RNF185: variants seen among roughly 807,000 people sequenced by gnomAD.
RNF185 encodes the protein E3 ubiquitin-protein ligase RNF185.
Under a neutral mutation model 24.9 loss-of-function variants are expected in RNF185, and 13 were observed. The observed-to-expected ratio is 0.52, with a 90% confidence interval of 0.34 to 0.83. RNF185 has a LOEUF of 0.83. Ranked by LOEUF, RNF185 falls within the 40% of genes least tolerant of loss-of-function variation. The pLI is 0.01. For missense variants in RNF185, 184 were observed against 244.7 expected (o/e 0.75, Z 1.65); for synonymous variants, 79 against 90.3 (o/e 0.88, Z 0.71).
chr22:31,200,962 G>C (rs1225604151), intron 5 of RNF185, among the ~76,000 whole-genome samples: 2 of 152,232 alleles, frequency 1.3e-5, no homozygotes, highest in Non-Finnish European at 2.9e-5. Context: ...GGTCACAAGA[G>C]TTGTTCAGTG....
At chr22:31,180,454 G>A (rs1284235781) in intron 1 of RNF185, among the ~76,000 whole-genome samples, 1 of 151,120 alleles carries the variant, frequency 6.6e-6, no homozygotes, top group African/African-American at 2.4e-5. Context: ...GACAGACTGA[G>A]ACTTGTCTCA....
In RNF185 at chr22:31,167,149, C is replaced by A. The variant is rs181996054; in HGVS notation, c.-49+6846C>A. Among the ~76,000 whole-genome samples, 176 of 152,088 alleles carry A rather than the reference C, an allele frequency of 1.2e-3. 1 individual carries two copies. In the Middle Eastern group the frequency reaches 0.017, roughly 15 times the overall value. On this transcript the variant is annotated intron_variant, in intron 1 of 6. Transcript: ENST00000326132. ...TTTTATTGTGGTAAGATGTACATAACAATATTTACTGTTTTAACTAATTTT... is the reference window on the plus strand; with the variant it reads ...TTTTATTGTGGTAAGATGTACATAAAAATATTTACTGTTTTAACTAATTTT...
Position 31,196,947 on chromosome 22 carries a change from C to G in RNF185, c.320C>G (p.Pro107Arg), listed in dbSNP as rs2048211089. ...CATTTCTGTTTCAGAGAGAAGACCC[C>G]TCCTCGTCCTCAAGGACAGAGGCCA... ...TGQQDPREKT[P>R]PRPQGQRPEP... Residue 107 changes from proline (P) to arginine (R), a missense_variant, in exon 5 of 7, where the codon CCT (proline) becomes CGT (arginine). Transcript: ENST00000326132. The G allele has an allele frequency of 6.2e-7, 1 of 1,612,114 alleles. No individual in the cohort carries two copies. Among genetic ancestry groups the G allele is most frequent in the Admixed American group, 1.7e-5 (1 of 59,274 alleles).
intron 1 of RNF185, among the ~76,000 whole-genome samples, chr22:31,163,939 G>T (rs1230846237): frequency 6.6e-6 from 1 of 151,892 alleles, no homozygotes; most frequent in East Asian, 1.9e-4. Flanking sequence ...TTCCCAAAGT[G>T]CTGGGATTAC....
At chr22:31,178,368 A>G (rs909029927) in intron 1 of RNF185, among the ~76,000 whole-genome samples, 1 of 152,106 alleles carries the variant, frequency 6.6e-6, no homozygotes, top group Non-Finnish European at 1.5e-5. Flanking sequence ...TGTGCTATTG[A>G]TAGAGCTGTA....
Position 31,182,908 on chromosome 22 carries a change from T to TTTATTATTATTATTATTATTATTA in RNF185, c.-48-4133_-48-4110dup, listed in dbSNP as rs56373705. 9 of 143,050 alleles carry TTTATTATTATTATTATTATTATTA rather than the reference T, an allele frequency of 6.3e-5. No homozygotes were observed. The East Asian group carries it at 1.0e-3, about 16-fold the overall frequency. The allele number at this position is 143,050 out of a possible 1,614,324, so 8.9% of individuals were successfully genotyped here. On this transcript the variant is annotated intron_variant, in intron 1 of 6. Transcript: ENST00000326132. ...TTCTGTAAATAGGTAATTTATTTTATTTATTATTATTATTATTATTATTAT... is the reference window on the plus strand; with the variant it reads ...TTCTGTAAATAGGTAATTTATTTTATTTATTATTATTATTATTATTATTATTATTATTATTATTATTATTATTAT...
At chr22:31,163,129 GGAA>G (rs1555879995) in intron 1 of RNF185, among the ~76,000 whole-genome samples, 3 of 151,922 alleles carry the variant, frequency 2.0e-5, no homozygotes, top group Non-Finnish European at 4.4e-5. Context: ...GACAATTACA[GGAA>G]GATAAAATTT....
At chr22:31,182,142 C>T (rs1246574273) in intron 1 of RNF185, among the ~76,000 whole-genome samples, 3 of 145,076 alleles carry the variant, frequency 2.1e-5, no homozygotes, top group Non-Finnish European at 4.5e-5. Flanking sequence ...ACAGGGTTTC[C>T]ACTCTGTCAC....
At chr22:31,197,697 G>A (rs1260973887) in intron 5 of RNF185, among the ~76,000 whole-genome samples, 2 of 152,086 alleles carry the variant, frequency 1.3e-5, no homozygotes, top group Non-Finnish European at 2.9e-5. Flanking sequence ...ACAGGTGCAC[G>A]GCACCATGCC....
chr22:31,184,079 G>A (rs1335651241), intron 1 of RNF185, among the ~76,000 whole-genome samples: 62 of 151,630 alleles, frequency 4.1e-4, no homozygotes, highest in African/African-American at 1.5e-3. Context: ...CTTCCCGGAC[G>A]GGGCGGCTGG....
chr22:31,180,110 G>A (rs780085733), intron 1 of RNF185, among the ~76,000 whole-genome samples: 2 of 151,760 alleles, frequency 1.3e-5, no homozygotes, highest in Non-Finnish European at 1.5e-5. Context: ...AGAACATGGC[G>A]GGGGGGTGGG....
chr22:31,188,071 C>T (rs1310432457), intron 2 of RNF185, among the ~76,000 whole-genome samples: 3 of 152,120 alleles, frequency 2.0e-5, no homozygotes, highest in Non-Finnish European at 4.4e-5. Flanking sequence ...TTGGACTCAT[C>T]TGAGACCCTT....
At chr22:31,171,156 CTTATTTATTTAT>C (rs55965706) in intron 1 of RNF185, among the ~76,000 whole-genome samples, 13 of 143,234 alleles carry the variant, frequency 9.1e-5, no homozygotes, top group South Asian at 2.2e-4. Flanking sequence ...CTCTGATTTA[CTTATTTATTTAT>C]TTATTTATTT....
In RNF185 at chr22:31,187,234, A is replaced by G. The variant is rs2048108965; in HGVS notation, c.140A>G (p.Lys47Arg). 1 of 1,614,024 alleles carries G rather than the reference A, an allele frequency of 6.2e-7. No individual in the cohort carries two copies. The highest frequency in any genetic ancestry group is 1.7e-5 in the Admixed American group (1 of 59,998). The stretch of plus-strand genomic sequence containing the variant: ...TGCAACATCTGCTTGGACACAGCCA[A>G]GGATGCCGTCATCAGCCTGTGTGGC... ...FECNICLDTA[K>R]DAVISLCGHL... Residue 47 changes from lysine (K) to arginine (R), a missense_variant, in exon 2 of 7, where the codon AAG (lysine) becomes AGG (arginine). Lys to Arg is a conservative substitution (Grantham distance 26). Transcript: ENST00000326132.
chr22:31,166,014 TG>T (rs34678749), intron 1 of RNF185, among the ~76,000 whole-genome samples: 27,572 of 152,088 alleles, frequency 0.18, 3,390 homozygotes, highest in Non-Finnish European at 0.27. Flanking sequence ...TTTTTAGAGA[TG>T]GAGTCTTGCT....
intron 1 of RNF185, among the ~76,000 whole-genome samples, chr22:31,176,300 C>T (rs930919662): frequency 6.8e-6 from 1 of 148,108 alleles, no homozygotes; most frequent in Non-Finnish European, 1.5e-5. Flanking sequence ...GCAGTGGGCT[C>T]GCTGCAGCCT....
At chr22:31,160,771 G>A (rs2147911187) in intron 1 of RNF185, among the ~76,000 whole-genome samples, 1 of 152,244 alleles carries the variant, frequency 6.6e-6, no homozygotes, top group Admixed American at 6.5e-5. Context: ...CAGTTTTCTC[G>A]TCTCTAAAAC....
chr22:31,168,814 T>C (rs1017440257), intron 1 of RNF185, among the ~76,000 whole-genome samples: 3 of 152,238 alleles, frequency 2.0e-5, no homozygotes, highest in Non-Finnish European at 4.4e-5. Flanking sequence ...ATTAGTGATG[T>C]TGAGCACCCT....
chr22:31,195,576 C>T lies in RNF185; in HGVS notation c.303C>T (p.Asp101=). The T allele has an allele frequency of 1.2e-6, 2 of 1,601,640 alleles. No homozygotes were observed. Among genetic ancestry groups the T allele is most frequent in the South Asian group, 1.1e-5 (1 of 89,062 alleles). Residue 101 remains aspartate (D), a synonymous_variant, in exon 4 of 7, where the codon GAC becomes GAT. Transcript: ENST00000326132. The part of the protein sequence containing the change: ...LYGRGSTGQQ[D]PREKTPPRPQ... ...GAAGGGGCAGCACTGGGCAACAGGA[C>T]CCCAGGTGAGGACTCAGGATGCCTC...
Sources: allele counts gnomAD v4.1 joint callset (sites outside exome capture counted in the v4.1 genomes callset), GRCh38; gene constraint gnomAD v4.1.1; transcripts MANE v1.5; gene names NCBI Gene and HGNC (gene_info 2026-07-23, HGNC 2026-07-21).